PRKD1: variants seen among roughly 807,000 people sequenced by gnomAD.
PRKD1 encodes the protein protein kinase D1.
In PRKD1, 63 loss-of-function variants were observed where a neutral mutation model predicts 95.9. That is an observed-to-expected ratio of 0.66 (90% confidence interval 0.54 to 0.81). The LOEUF (loss-of-function observed/expected upper bound fraction) is 0.81. PRKD1 is among the 30% of genes least tolerant of loss of function. The pLI is 0.00. For synonymous variants in PRKD1, 425 were observed against 423.1 expected (o/e 1.00, Z -0.05); for missense variants, 1,048 against 1,165.3 (o/e 0.90, Z 1.47).
chr14:29,613,037 G>A (rs993530602), intron 13 of PRKD1, among the ~76,000 whole-genome samples: 7 of 152,078 alleles, frequency 4.6e-5, no homozygotes, highest in African/African-American at 1.7e-4. Context: ...GGTGGAGCTT[G>A]CAGTGAGCCA....
chr14:29,848,668 C>CA (rs917593054), intron 1 of PRKD1, among the ~76,000 whole-genome samples: 2 of 151,072 alleles, frequency 1.3e-5, no homozygotes, highest in African/African-American at 2.4e-5. Flanking sequence ...TGATTCTCAA[C>CA]AAAAAATCAC....
chr14:29,711,674 A>G (rs1885340872), intron 2 of PRKD1, among the ~76,000 whole-genome samples: 1 of 151,814 alleles, frequency 6.6e-6, no homozygotes, highest in Non-Finnish European at 1.5e-5. Context: ...TGACTACCTT[A>G]TATCTGGTAC....
chr14:29,750,379 C>T (rs961137707), intron 1 of PRKD1, among the ~76,000 whole-genome samples: 11 of 152,036 alleles, frequency 7.2e-5, no homozygotes, highest in Admixed American at 7.2e-4. Flanking sequence ...TTTCTGGTTA[C>T]AAAAACATCA....
At chr14:29,802,411 A>C (rs555463048) in intron 1 of PRKD1, among the ~76,000 whole-genome samples, 1 of 152,364 alleles carries the variant, frequency 6.6e-6, no homozygotes, top group African/African-American at 2.4e-5. Flanking sequence ...TCAAAAGCAA[A>C]CACATGATGT....
chr14:29,745,874 A>C (rs1464241031), intron 1 of PRKD1, among the ~76,000 whole-genome samples: 4 of 152,188 alleles, frequency 2.6e-5, no homozygotes, highest in African/African-American at 9.7e-5. Context: ...ACATTTTAAG[A>C]AAATGGTATC....
chr14:29,926,295 G>A (rs1895292146), intron 1 of PRKD1, among the ~76,000 whole-genome samples: 1 of 152,222 alleles, frequency 6.6e-6, no homozygotes, highest in Admixed American at 6.5e-5. Flanking sequence ...CACCTTTAGA[G>A]ACCTCTGTCT....
intron 1 of PRKD1, among the ~76,000 whole-genome samples, chr14:29,908,129 T>C (rs1410436202): frequency 9.1e-6 from 1 of 109,378 alleles, no homozygotes; most frequent in East Asian, 2.7e-4. Context: ...TCTTTCTGTG[T>C]AAAGACAAAG....
chr14:29,833,178 C>T (rs1352902627), intron 1 of PRKD1, among the ~76,000 whole-genome samples: 1 of 152,052 alleles, frequency 6.6e-6, no homozygotes, highest in East Asian at 1.9e-4. Context: ...TGAAAGGTGG[C>T]TCCTAAAGAA....
At chr14:29,858,484 C>G (rs1288288527) in intron 1 of PRKD1, among the ~76,000 whole-genome samples, 1 of 152,186 alleles carries the variant, frequency 6.6e-6, no homozygotes, top group African/African-American at 2.4e-5. Context: ...CGCCCAGTTC[C>G]CCATTTCTAG....
intron 1 of PRKD1, among the ~76,000 whole-genome samples, chr14:29,753,165 TA>T (rs1335580145): frequency 6.6e-6 from 1 of 151,998 alleles, no homozygotes; most frequent in Non-Finnish European, 1.5e-5. Flanking sequence ...CAAATGAGAT[TA>T]AAAACAGACA....
intron 1 of PRKD1, among the ~76,000 whole-genome samples, chr14:29,862,724 T>C (rs1168010934): frequency 2.0e-5 from 3 of 152,232 alleles, no homozygotes; most frequent in Non-Finnish European, 2.9e-5. Context: ...AGATTTTTTT[T>C]CCTATAGAGT....
At position 29,626,575 on chromosome 14, in the gene PRKD1, T is replaced by G; in HGVS notation, c.1726-19A>C. On this transcript the variant is annotated intron_variant, in intron 11 of 17. Coordinates refer to ENST00000331968, the MANE Select transcript of PRKD1 (RefSeq NM_002742.3). ...TGATGTCCTAGAGGTACAAGCCCAA[T>G]GAAAAAAAAACATGAAGCAGAACAA... The G allele has an allele frequency of 6.5e-7, 1 of 1,532,176 alleles. No homozygotes were observed. Among genetic ancestry groups the G allele is most frequent in the Non-Finnish European group, 8.8e-7 (1 of 1,136,696 alleles). The allele number at this position is 1,532,176 out of a possible 1,614,324, so 94.9% of individuals were successfully genotyped here.
At chr14:29,825,349 TGACA>T (rs1891068816) in intron 1 of PRKD1, among the ~76,000 whole-genome samples, 1 of 152,148 alleles carries the variant, frequency 6.6e-6, no homozygotes, top group Admixed American at 6.6e-5. Context: ...AGCTGACACT[TGACA>T]GACTTTAAGA....
At chr14:29,660,526 T>C (rs1388147503) in intron 4 of PRKD1, among the ~76,000 whole-genome samples, 1 of 152,208 alleles carries the variant, frequency 6.6e-6, no homozygotes, top group Non-Finnish European at 1.5e-5. Context: ...TGTTTTGTTA[T>C]GTTATATTTT....
intron 1 of PRKD1, among the ~76,000 whole-genome samples, chr14:29,799,482 T>A (rs1264910397): frequency 6.6e-6 from 1 of 152,248 alleles, no homozygotes; most frequent in Non-Finnish European, 1.5e-5. Context: ...TTTTGTTATT[T>A]ATAGCACAGA....
At chr14:29,632,739 A>C in intron 9 of PRKD1, 130 bp downstream of exon 9, 4 of 788,154 alleles carry the variant, frequency 5.1e-6, no homozygotes, top group Non-Finnish European at 6.1e-6. Flanking sequence ...GAGAAGAAAA[A>C]AAAAATAGTT....
At chr14:29,593,186 G>A (rs1205478171) in intron 16 of PRKD1, among the ~76,000 whole-genome samples, 2 of 152,126 alleles carry the variant, frequency 1.3e-5, no homozygotes, top group Admixed American at 6.6e-5. Context: ...GGCAAATACT[G>A]TAAAAGTGTG....
chr14:29,690,526 T>G (rs985737862), intron 2 of PRKD1, among the ~76,000 whole-genome samples: 5 of 152,220 alleles, frequency 3.3e-5, no homozygotes, highest in Non-Finnish European at 5.9e-5. Context: ...ACTCTGCTTC[T>G]GTGAATAAAG....
At chr14:29,638,455 G>A in intron 6 of PRKD1, 34 bp downstream of exon 6, 1 of 1,607,854 alleles carries the variant, frequency 6.2e-7, no homozygotes, top group East Asian at 2.2e-5. Context: ...TAATATGGAA[G>A]AAGCACAGAC....
Sources: gnomAD v4.1 joint callset for allele counts (sites outside exome capture counted in the v4.1 genomes callset) on GRCh38, gnomAD v4.1.1 for gene constraint, MANE v1.5 for transcripts, NCBI Gene and HGNC (gene_info 2026-07-23, HGNC 2026-07-21) for gene names.